The following ADGRB3 variants were observed in gnomAD, a reference collection of about 807,000 sequenced individuals.
The protein encoded by ADGRB3 is brain-specific angiogenesis inhibitor 3.
In ADGRB3, 37 loss-of-function variants were observed where a neutral mutation model predicts 193.4. The ratio of observed to expected loss-of-function variants is 0.19; its 90% CI spans 0.15 to 0.25. The LOEUF is 0.25. Ranked by LOEUF, ADGRB3 falls within the 10% of genes least tolerant of loss-of-function variation. The pLI is 1.00. For missense variants in ADGRB3, 1,637 were observed against 1,852.9 expected (o/e 0.88, Z 2.14); for synonymous variants, 690 against 644.2 (o/e 1.07, Z -1.08).
chr6:69,232,207 T>C (rs889681799), intron 17 of ADGRB3, among the ~76,000 whole-genome samples: 4 of 152,086 alleles, frequency 2.6e-5, no homozygotes, highest in Non-Finnish European at 5.9e-5. Flanking sequence ...GAGGTGACAA[T>C]TGGTGCATTC....
intron 3 of ADGRB3, among the ~76,000 whole-genome samples, chr6:68,686,517 A>G (rs761818648): frequency 2.0e-5 from 3 of 152,002 alleles, no homozygotes; most frequent in Admixed American, 1.3e-4. Context: ...CAGGATCCTG[A>G]TCCTACTTGT....
At chr6:69,118,869 AT>A (rs1400029979) in intron 17 of ADGRB3, among the ~76,000 whole-genome samples, 2 of 152,158 alleles carry the variant, frequency 1.3e-5, no homozygotes, top group East Asian at 3.8e-4. Flanking sequence ...TATTTTATCT[AT>A]ATATAGCAAA....
chr6:68,897,367 AAAGAAGGAAAGG>A (rs1203016864), intron 3 of ADGRB3, among the ~76,000 whole-genome samples: 10 of 149,352 alleles, frequency 6.7e-5, no homozygotes, highest in South Asian at 6.4e-4. Flanking sequence ...CTTAAAAGAA[AAAGAAGGAAAGG>A]AAGAAGGAAA....
At chr6:68,817,305 ATGTATATATATATATATATATATAT>A (rs1767652204) in intron 3 of ADGRB3, among the ~76,000 whole-genome samples, 16 of 43,494 alleles carry the variant, frequency 3.7e-4, no homozygotes, top group South Asian at 8.7e-4. Context: ...CCTTTTGTCC[ATGTATATATATATATATATATATAT>A]ATATATATAT....
At chr6:69,345,710 T>C (rs893324019) in intron 26 of ADGRB3, among the ~76,000 whole-genome samples, 5 of 152,090 alleles carry the variant, frequency 3.3e-5, no homozygotes, top group Admixed American at 6.5e-5. Context: ...AAAGATGCCC[T>C]CTCTCACCAC....
At chr6:68,705,529 A>AACTCTGTGTCTC (rs1374091355) in intron 3 of ADGRB3, among the ~76,000 whole-genome samples, 1 of 152,198 alleles carries the variant, frequency 6.6e-6, no homozygotes, top group Admixed American at 6.5e-5. Context: ...CTAGGCTTCT[A>AACTCTGTGTCTC]ACTCTGTGTC....
intron 24 of ADGRB3, among the ~76,000 whole-genome samples, chr6:69,334,638 T>C (rs1322498214): frequency 3.9e-5 from 6 of 152,234 alleles, no homozygotes; most frequent in Non-Finnish European, 7.3e-5. Context: ...TGGTGGAAAT[T>C]GAAGTAAGCT....
At position 68,940,319 on chromosome 6, in the gene ADGRB3, A is replaced by C. The variant is rs568680073; in HGVS notation, c.1031-3511A>C. ...GACCCCAATAAGTCTTTGTTGGGGG[A>C]GTCCATCCTGTGTATTTTTTTAATG... is the stretch of plus-strand genomic sequence containing the variant. On this transcript the variant is annotated intron_variant, in intron 5 of 31. Transcript: ENST00000370598. Among the ~76,000 whole-genome samples the C allele has an allele frequency of 7.9e-5, 12 of 151,960 alleles. No individual in the cohort carries two copies. In the South Asian group the frequency reaches 1.9e-3, roughly 24 times the overall value.
At chr6:68,960,195 A>C (rs1244005422) in intron 8 of ADGRB3, among the ~76,000 whole-genome samples, 3 of 152,280 alleles carry the variant, frequency 2.0e-5, no homozygotes, top group Middle Eastern at 3.4e-3. Flanking sequence ...ATTTACAAGT[A>C]AAAATTACAC....
intron 3 of ADGRB3, among the ~76,000 whole-genome samples, chr6:68,867,218 G>A (rs1409444322): frequency 6.6e-6 from 1 of 152,132 alleles, no homozygotes; most frequent in East Asian, 1.9e-4. Flanking sequence ...GCTTCTCTGT[G>A]CAGTCTCAGG....
chr6:68,752,830 T>C (rs1766226763), intron 3 of ADGRB3, among the ~76,000 whole-genome samples: 1 of 152,176 alleles, frequency 6.6e-6, no homozygotes, highest in Non-Finnish European at 1.5e-5. Flanking sequence ...AATGTTGGTA[T>C]ACACTTGTGA....
rs75721518 is a variant in ADGRB3, at chr6:69,298,454, C to T, written c.2815-26418C>T. On this transcript the variant is annotated intron_variant, in intron 20 of 31. Coordinates refer to ENST00000370598, the MANE Select transcript of ADGRB3 (RefSeq NM_001704.3). The stretch of plus-strand genomic sequence containing the variant: ...AATAAATTATTGTTAACTATAATCA[C>T]TCTGTTGTGCTACTGAACACTAAAT... 2.2e-3 allele frequency among the ~76,000 whole-genome samples: 341 copies of T among 152,038 alleles called. 1 individual carries two copies. Among genetic ancestry groups the T allele is most frequent in the Middle Eastern group, 6.8e-3 (2 of 294 alleles).
At chr6:68,771,372 G>A (rs1766613523) in intron 3 of ADGRB3, among the ~76,000 whole-genome samples, 1 of 139,496 alleles carries the variant, frequency 7.2e-6, no homozygotes, top group African/African-American at 2.7e-5. Context: ...TGCTATGTGT[G>A]CTAGGGAATA....
At chr6:69,330,437 T>C in intron 22 of ADGRB3, 69 bp from the exon 23 acceptor site, 2 of 1,199,560 alleles carry the variant, frequency 1.7e-6, no homozygotes, top group South Asian at 1.7e-5. Flanking sequence ...CTAAGTTGTT[T>C]GTATCACACG....
At chr6:69,150,034 G>A (rs1774628912) in intron 17 of ADGRB3, among the ~76,000 whole-genome samples, 1 of 151,294 alleles carries the variant, frequency 6.6e-6, no homozygotes, top group South Asian at 2.1e-4. Context: ...ACAACCACGG[G>A]GACTTCTCTG....
At chr6:68,974,410 C>T (rs958586899) in intron 8 of ADGRB3, among the ~76,000 whole-genome samples, 3 of 152,124 alleles carry the variant, frequency 2.0e-5, no homozygotes, top group African/African-American at 4.8e-5. Context: ...ATAATCCTGG[C>T]ACTTTGGGAG....
chr6:68,964,804 C>A (rs1482886351), intron 8 of ADGRB3, among the ~76,000 whole-genome samples: 1 of 152,036 alleles, frequency 6.6e-6, no homozygotes, highest in African/African-American at 2.4e-5. Context: ...CAATATATAC[C>A]ATTTGCTAAT....
chr6:68,979,263 G>A (rs1016278952), intron 10 of ADGRB3, among the ~76,000 whole-genome samples: 3 of 151,278 alleles, frequency 2.0e-5, no homozygotes, highest in African/African-American at 7.3e-5. Flanking sequence ...GTTCTGAGAA[G>A]GTGATACACC....
intron 26 of ADGRB3, among the ~76,000 whole-genome samples, chr6:69,345,520 T>C (rs1027298435): frequency 1.3e-5 from 2 of 152,176 alleles, no homozygotes; most frequent in Non-Finnish European, 2.9e-5. Flanking sequence ...ATTATCTCAA[T>C]AGATGCAGAA....
Sources: allele counts gnomAD v4.1 joint callset (sites outside exome capture counted in the v4.1 genomes callset), GRCh38; gene constraint gnomAD v4.1.1; transcripts MANE v1.5; gene names NCBI Gene and HGNC (gene_info 2026-07-23, HGNC 2026-07-21).